The following ZFAT variants were observed in gnomAD, a reference collection of about 807,000 sequenced individuals.
The protein encoded by ZFAT is zinc finger protein ZFAT.
A neutral mutation model predicts 117.7 loss-of-function variants in ZFAT; 64 were observed. The observed-to-expected ratio is 0.54, with a 90% CI of 0.44 to 0.67. ZFAT has a LOEUF of 0.67. Ranked by LOEUF, ZFAT falls within the 30% of genes least tolerant of loss-of-function variation. The pLI is 0.00. For synonymous variants in ZFAT, 679 were observed against 615.0 expected (o/e 1.10, Z -1.54); for missense variants, 1,433 against 1,584.5 (o/e 0.90, Z 1.62).
intron 3 of ZFAT, among the ~76,000 whole-genome samples, chr8:134,613,143 C>T (rs371787944): frequency 6.6e-6 from 1 of 152,070 alleles, no homozygotes; most frequent in Non-Finnish European, 1.5e-5. Flanking sequence ...TGCTTTATAC[C>T]GGAATTCACC....
At chr8:134,719,922 G>A in the ZFAT span, among the ~76,000 whole-genome samples, 10 of 152,326 alleles carry the variant, frequency 6.6e-5, no homozygotes, top group East Asian at 1.9e-3. Context: ...ATGCCTCCTT[G>A]TAATCATGTC....
the ZFAT span, among the ~76,000 whole-genome samples, chr8:134,754,149 AC>A: frequency 6.6e-6 from 1 of 152,242 alleles, no homozygotes; most frequent in Admixed American, 6.5e-5. Context: ...AATGAACTAC[AC>A]GCTCCAGGCC....
the ZFAT span, among the ~76,000 whole-genome samples, chr8:134,819,483 T>A: frequency 7.5e-6 from 1 of 133,354 alleles, no homozygotes; most frequent in Non-Finnish European, 1.6e-5. Flanking sequence ...CCATGAGAAC[T>A]GCCGGATTTA....
chr8:134,482,428 A>G (rs1224080139), intron 15 of ZFAT, among the ~76,000 whole-genome samples: 1 of 152,206 alleles, frequency 6.6e-6, no homozygotes, highest in Non-Finnish European at 1.5e-5. Flanking sequence ...TTTACAAAGG[A>G]AGGCACAAAA....
At chr8:134,667,778 A>G (rs1042303329) in intron 1 of ZFAT, among the ~76,000 whole-genome samples, 21 of 152,094 alleles carry the variant, frequency 1.4e-4, no homozygotes, top group African/African-American at 1.2e-4. Flanking sequence ...CAGTAGGTGC[A>G]GCCCACTGAG....
intron 1 of ZFAT, chr8:134,696,544 G>C: frequency 1.0e-6 from 1 of 985,912 alleles, no homozygotes; most frequent in Non-Finnish European, 1.2e-6. Context: ...TTTCTTCTCA[G>C]ACTCCTGCAC....
intron 2 of ZFAT, among the ~76,000 whole-genome samples, chr8:134,643,516 C>T (rs1830707388): frequency 1.3e-5 from 2 of 152,142 alleles, no homozygotes; most frequent in South Asian, 4.1e-4. Context: ...TGAACATGCA[C>T]TTGTCTCAGA....
intron 2 of ZFAT, among the ~76,000 whole-genome samples, chr8:134,638,550 AAAAAAAAAACAAAAC>A (rs528244064): frequency 0.42 from 19,221 of 46,124 alleles, 2,598 homozygotes; most frequent in East Asian, 0.59. Flanking sequence ...CTAAAAATAC[AAAAAAAAAACAAAAC>A]AAAAAAAAAA....
chr8:134,587,656 T>C (rs1294807365), intron 9 of ZFAT, among the ~76,000 whole-genome samples: 1 of 152,200 alleles, frequency 6.6e-6, no homozygotes, highest in Non-Finnish European at 1.5e-5. Context: ...GTTGCCCTAG[T>C]AGAATCTTCA....
At chr8:134,553,176 CT>C (rs897193057) in intron 11 of ZFAT, among the ~76,000 whole-genome samples, 1 of 152,114 alleles carries the variant, frequency 6.6e-6, no homozygotes, top group Non-Finnish European at 1.5e-5. Context: ...TAGAAGGAGG[CT>C]GTTTATTAAG....
At chr8:134,501,135 A>G (rs899977219) in intron 15 of ZFAT, among the ~76,000 whole-genome samples, 2 of 152,240 alleles carry the variant, frequency 1.3e-5, no homozygotes, top group African/African-American at 4.8e-5. Flanking sequence ...GCATTAAAAG[A>G]TAAAAGTGAA....
chr8:134,625,762 C>T (rs72719787), intron 3 of ZFAT, among the ~76,000 whole-genome samples: 25,487 of 152,210 alleles, frequency 0.17, 2,394 homozygotes, highest in Non-Finnish European at 0.23. Context: ...GCCTCAGCCC[C>T]AGCAGTATGT....
chr8:134,617,284 T>C (rs1828816187), intron 3 of ZFAT, among the ~76,000 whole-genome samples: 1 of 152,170 alleles, frequency 6.6e-6, no homozygotes, highest in Admixed American at 6.5e-5. Flanking sequence ...AGAAAACCCC[T>C]ACCTCCACAT....
the ZFAT span, chr8:134,766,898 A>G: frequency 6.6e-6 from 1 of 152,236 alleles, no homozygotes; most frequent in Non-Finnish European, 1.5e-5. Flanking sequence ...AGGAATTTAC[A>G]TGCACTACTG....
chr8:134,556,427 T>A (rs1823628408), intron 11 of ZFAT, among the ~76,000 whole-genome samples: 1 of 151,676 alleles, frequency 6.6e-6, no homozygotes, highest in Non-Finnish European at 1.5e-5. Context: ...GAGATAATGG[T>A]TGAGAACAGT....
chr8:134,728,506 G>C, the ZFAT span, among the ~76,000 whole-genome samples: 1 of 152,176 alleles, frequency 6.6e-6, no homozygotes, highest in Admixed American at 6.5e-5. Flanking sequence ...ATCTTAGAGG[G>C]ACTGGCTGGA....
chr8:134,638,242 A>G (rs563458540), intron 2 of ZFAT, among the ~76,000 whole-genome samples: 32 of 152,358 alleles, frequency 2.1e-4, no homozygotes, highest in African/African-American at 7.5e-4. Context: ...AAATTATAGC[A>G]CTAAAGACAA....
chr8:134,560,850 G>A (rs1446527372), intron 11 of ZFAT, among the ~76,000 whole-genome samples: 2 of 152,252 alleles, frequency 1.3e-5, no homozygotes, highest in Admixed American at 1.3e-4. Context: ...AAAGCAAAGA[G>A]TCGAATAGCT....
At chr8:134,682,870 G>A (rs1833138009) in intron 1 of ZFAT, among the ~76,000 whole-genome samples, 1 of 152,082 alleles carries the variant, frequency 6.6e-6, no homozygotes, top group Non-Finnish European at 1.5e-5. Flanking sequence ...TTCTATGGCA[G>A]CACAACAACC....
Sources: gnomAD v4.1 joint callset for allele counts (sites outside exome capture counted in the v4.1 genomes callset) on GRCh38, gnomAD v4.1.1 for gene constraint, MANE v1.5 for transcripts, NCBI Gene and HGNC (gene_info 2026-07-23, HGNC 2026-07-21) for gene names.